TENM3: variants seen among roughly 807,000 people sequenced by gnomAD.
TENM3 encodes teneurin transmembrane protein 3.
In TENM3, 63 loss-of-function variants were observed where a neutral mutation model predicts 255.1. The observed-to-expected ratio is 0.25, with a 90% confidence interval of 0.20 to 0.30. The LOEUF (loss-of-function observed/expected upper bound fraction) is 0.30. Among genes scored for constraint, TENM3 ranks in the 10% least tolerant of loss-of-function variants. TENM3 has a pLI of 1.00. For missense variants in TENM3, 2,929 were observed against 3,461.1 expected (o/e 0.85, Z 3.86); for synonymous variants, 1,306 against 1,322.3 (o/e 0.99, Z 0.27).
At chr4:181,740,687 G>GAA in the TENM3 span, among the ~76,000 whole-genome samples, 1 of 144,158 alleles carries the variant, frequency 6.9e-6, no homozygotes. Context: ...ATCAGCACTG[G>GAA]AAAAAAAAAA....
At chr4:181,797,483 C>T in the TENM3 span, among the ~76,000 whole-genome samples, 4 of 152,074 alleles carry the variant, frequency 2.6e-5, no homozygotes, top group African/African-American at 7.2e-5. Context: ...ATCGGTATAA[C>T]GAATTCAGTC....
At chr4:182,158,669 C>T (rs1046710505) in intron 1 of TENM3, among the ~76,000 whole-genome samples, 1 of 152,134 alleles carries the variant, frequency 6.6e-6, no homozygotes, top group Non-Finnish European at 1.5e-5. Flanking sequence ...TTAGGCCTAT[C>T]CTTTGTCCTT....
upstream of TENM3, chr4:182,141,517 T>G (rs1749426072): frequency 6.6e-6 from 1 of 152,122 alleles, no homozygotes. Context: ...GACCCAAATT[T>G]AACACACGTA....
the TENM3 span, among the ~76,000 whole-genome samples, chr4:181,989,179 A>G: frequency 1.3e-5 from 2 of 152,130 alleles, no homozygotes; most frequent in African/African-American, 4.8e-5. Context: ...GGGGAACAGA[A>G]GGCAGGGGCC....
rs6848256 is a variant in TENM3, at chr4:182,773,348, G to A, written c.4893-124G>A. 52,096 of 832,574 alleles carry A rather than the reference G, an allele frequency of 0.063. 1,803 individuals are homozygous for A. The highest frequency in any genetic ancestry group is 0.11 in the African/African-American group (6,631 of 58,346). 51.6% of individuals were successfully genotyped at this position (832,574 alleles called of 1,614,324 possible). ...ATGTTTGAAGTCTTCACTCTGCATC[G>A]CTCATCCACGAAGACAAATAGTCCT... On this transcript the variant is annotated intron_variant, in intron 22 of 27. Coordinates refer to ENST00000511685, the MANE Select transcript of TENM3 (RefSeq NM_001080477.4).
intron 3 of TENM3, among the ~76,000 whole-genome samples, chr4:182,543,855 T>C (rs1741151040): frequency 6.6e-6 from 1 of 152,092 alleles, no homozygotes; most frequent in Non-Finnish European, 1.5e-5. Context: ...TAAAAGTAAT[T>C]TTATTAGGGC....
intron 4 of TENM3, among the ~76,000 whole-genome samples, chr4:182,606,360 C>A (rs539420212): frequency 6.6e-6 from 1 of 151,662 alleles, no homozygotes; most frequent in Non-Finnish European, 1.5e-5. Flanking sequence ...CCCGTCTCTA[C>A]GAAAAATACA....
At chr4:182,489,339 T>C (rs897961463) in intron 3 of TENM3, among the ~76,000 whole-genome samples, 2 of 152,218 alleles carry the variant, frequency 1.3e-5, no homozygotes, top group Non-Finnish European at 2.9e-5. Flanking sequence ...TTTATAATTA[T>C]TCTTACCAGA....
At position 182,732,811 on chromosome 4, in the gene TENM3, G is replaced by A. The variant is rs143216497; in HGVS notation, c.2967+1672G>A. On this transcript the variant is annotated intron_variant, in intron 16 of 27. Transcript: ENST00000511685. ...CTGCACTCCAGCCTGGGTGCTGGGA[G>A]TGAGACCCTGTCTCAAAAATATATA... Among the ~76,000 whole-genome samples, 514 of 152,294 alleles carry A rather than the reference G, an allele frequency of 3.4e-3. 4 individuals are homozygous for A. Among genetic ancestry groups the A allele is most frequent in the African/African-American group, 0.012 (485 of 41,564 alleles).
At chr4:182,389,596 A>G (rs1017275597) in intron 3 of TENM3, among the ~76,000 whole-genome samples, 6 of 152,142 alleles carry the variant, frequency 3.9e-5, no homozygotes, top group African/African-American at 7.2e-5. Flanking sequence ...TTGTTTAACT[A>G]TGCACCATAT....
At chr4:182,478,330 T>G (rs972133644) in intron 3 of TENM3, among the ~76,000 whole-genome samples, 4 of 152,126 alleles carry the variant, frequency 2.6e-5, no homozygotes, top group Non-Finnish European at 5.9e-5. Context: ...GAAATATTAG[T>G]GCCATTGTAG....
At chr4:181,890,505 A>G in the TENM3 span, among the ~76,000 whole-genome samples, 2 of 137,000 alleles carry the variant, frequency 1.5e-5, no homozygotes. Context: ...TTAGCTTTAT[A>G]TATAGGAATT....
the TENM3 span, among the ~76,000 whole-genome samples, chr4:181,918,374 T>C: frequency 6.6e-6 from 1 of 152,198 alleles, no homozygotes; most frequent in African/African-American, 2.4e-5. Flanking sequence ...AGAAGGTAAA[T>C]ATATTTTTTA....
the TENM3 span, among the ~76,000 whole-genome samples, chr4:181,606,734 T>C: frequency 4.6e-5 from 7 of 151,988 alleles, no homozygotes; most frequent in African/African-American, 1.7e-4. Flanking sequence ...TCTTAGCAAC[T>C]CTAGCAAAAG....
chr4:182,096,453 A>G, the TENM3 span, among the ~76,000 whole-genome samples: 22 of 152,242 alleles, frequency 1.4e-4, no homozygotes, highest in African/African-American at 5.3e-4. Flanking sequence ...GAACATGTCT[A>G]TTTATCTAAG....
At chr4:182,519,461 A>G (rs1235934180) in intron 3 of TENM3, among the ~76,000 whole-genome samples, 1 of 152,210 alleles carries the variant, frequency 6.6e-6, no homozygotes, top group Non-Finnish European at 1.5e-5. Flanking sequence ...TTTTTAAGGT[A>G]GAAATTTTTC....
chr4:182,409,020 G>A (rs1308422320), intron 3 of TENM3, among the ~76,000 whole-genome samples: 2 of 152,192 alleles, frequency 1.3e-5, no homozygotes, highest in Non-Finnish European at 2.9e-5. Flanking sequence ...CAGAGTTTCA[G>A]ATAACTAAAA....
At chr4:182,481,264 T>A (rs1398392827) in intron 3 of TENM3, among the ~76,000 whole-genome samples, 1 of 152,186 alleles carries the variant, frequency 6.6e-6, no homozygotes, top group African/African-American at 2.4e-5. Flanking sequence ...AGTCCAGATA[T>A]AAACCTAAAA....
the TENM3 span, among the ~76,000 whole-genome samples, chr4:182,120,961 C>CA: frequency 6.6e-6 from 1 of 152,082 alleles, no homozygotes; most frequent in Admixed American, 6.6e-5. Flanking sequence ...GGATTTTGAG[C>CA]AAAGGCATGC....
Sources: allele counts gnomAD v4.1 joint callset (sites outside exome capture counted in the v4.1 genomes callset), GRCh38; gene constraint gnomAD v4.1.1; transcripts MANE v1.5; gene names NCBI Gene and HGNC (gene_info 2026-07-23, HGNC 2026-07-21).